Variants in MFSD11 observed in about 807,000 individuals in gnomAD.
The protein encoded by MFSD11 is major facilitator superfamily domain containing 11, also known as UNC93-like protein MFSD11.
A neutral mutation model predicts 53.5 loss-of-function variants in MFSD11; 36 were observed. The ratio of observed to expected loss-of-function variants is 0.67; its 90% confidence interval spans 0.52 to 0.89. The LOEUF (loss-of-function observed/expected upper bound fraction) is 0.89, where lower values mean the gene tolerates loss of function less well. Among genes scored for constraint, MFSD11 ranks in the 40% least tolerant of loss-of-function variants. The pLI, the probability that MFSD11 is intolerant of heterozygous loss-of-function variation, is 0.00. For missense variants in MFSD11, 530 were observed against 543.9 expected, an observed-to-expected ratio of 0.97 and a Z score of 0.25; for synonymous variants, 186 against 184.9, an observed-to-expected ratio of 1.01 and a Z score of -0.05.
chr17:76,778,206 G>A lies in MFSD11; in HGVS notation c.1204G>A (p.Ala402Thr). The A allele has an allele frequency of 3.7e-6, 6 of 1,614,166 alleles. No individual in the cohort carries two copies. Among genetic ancestry groups the A allele is most frequent in the Non-Finnish European group, 5.1e-6 (6 of 1,180,032 alleles). Residue 402 changes from alanine to threonine, a missense_variant, in exon 13 of 13, where the codon GCA (alanine) becomes ACA (threonine). Coordinates refer to ENST00000685175, the MANE Select transcript of MFSD11 (RefSeq NM_001242532.5). Reference protein sequence around the residue: ...KFVQSICAAVAFFYSNYLLLH... With the variant: ...KFVQSICAAVTFFYSNYLLLH... ...TTCTTAGTCTATTTGCGCAGCCGTG[G>A]CATTTTTCTACAGCAACTACCTTCT...
intron 8 of MFSD11, among the ~76,000 whole-genome samples, chr17:76,756,429 A>T (rs557237265): frequency 6.6e-6 from 1 of 152,146 alleles, no homozygotes; most frequent in African/African-American, 2.4e-5. Flanking sequence ...TGGCTCGGGA[A>T]TGCATTTATA....
chr17:76,746,271 A>G (rs141336172), intron 7 of MFSD11, among the ~76,000 whole-genome samples: 38 of 152,342 alleles, frequency 2.5e-4, no homozygotes, highest in Non-Finnish European at 4.6e-4. Flanking sequence ...GACGTGAGGA[A>G]TCTTTAGAAG....
chr17:76,790,214 G>A, the MFSD11 span, among the ~76,000 whole-genome samples: 4 of 143,780 alleles, frequency 2.8e-5, no homozygotes, highest in Non-Finnish European at 6.1e-5. Flanking sequence ...CTTGACGCAT[G>A]AGCCACCACG....
intron 3 of MFSD11, 72 bp from the exon 4 acceptor site, chr17:76,741,897 T>TGG: frequency 6.2e-7 from 1 of 1,609,044 alleles, no homozygotes; most frequent in Middle Eastern, 1.7e-4. Context: ...CAGAACTGAT[T>TGG]CCTAGAAGGC....
the MFSD11 span, chr17:76,799,150 C>CT: frequency 5.9e-5 from 9 of 152,044 alleles, no homozygotes; most frequent in African/African-American, 2.2e-4. Context: ...AAATCTCACT[C>CT]TGTCACCCAG....
chr17:76,759,756 C>CTTTTTTTTTTTTT lies in MFSD11; in HGVS notation c.682+5687_682+5699dup, dbSNP rs1159131964. 8.1e-4 allele frequency among the ~76,000 whole-genome samples: 22 copies of CTTTTTTTTTTTTT among 27,016 alleles called. 3 individuals are homozygous for CTTTTTTTTTTTTT. Among genetic ancestry groups the CTTTTTTTTTTTTT allele is most frequent in the Non-Finnish European group, 1.2e-3 (19 of 15,422 alleles). 17.7% of individuals were successfully genotyped at this position (27,016 alleles called of 152,430 possible). On this transcript the variant is annotated intron_variant, in intron 8 of 12. Transcript: ENST00000685175. ...ACAGGTGTGAGCCACCGTGACCGGC[C>CTTTTTTTTTTTTT]TTTTTTTTTTTTTTTTTTTTTTTTT... is the stretch of plus-strand genomic sequence containing the variant.
At chr17:76,780,528 T>C (rs1041030291), downstream of MFSD11, among the ~76,000 whole-genome samples, 1 of 151,494 alleles carries the variant, frequency 6.6e-6, no homozygotes, top group Non-Finnish European at 1.5e-5. Context: ...TTTTTTTTTT[T>C]TTTTCAAGAC....
intron 8 of MFSD11, among the ~76,000 whole-genome samples, chr17:76,762,294 C>A (rs1416233903): frequency 2.6e-5 from 4 of 152,148 alleles, no homozygotes; most frequent in Non-Finnish European, 5.9e-5. Context: ...AAATTTGAGT[C>A]ATTCCTATAT....
chr17:76,749,226 A>C (rs761154432), intron 7 of MFSD11, among the ~76,000 whole-genome samples: 3 of 152,154 alleles, frequency 2.0e-5, no homozygotes, highest in African/African-American at 4.8e-5. Flanking sequence ...GATGAATGTG[A>C]TGGCCCATGC....
At chr17:76,789,890 G>A in the MFSD11 span, among the ~76,000 whole-genome samples, 22 of 150,126 alleles carry the variant, frequency 1.5e-4, 2 homozygotes, top group South Asian at 1.1e-3. Flanking sequence ...GTTTGGTTTT[G>A]TTCATCAACA....
At chr17:76,800,914 C>T in the MFSD11 span, among the ~76,000 whole-genome samples, 1 of 151,262 alleles carries the variant, frequency 6.6e-6, no homozygotes, top group Non-Finnish European at 1.5e-5. Flanking sequence ...CCATTTGTAC[C>T]AAAAATATAA....
intron 8 of MFSD11, among the ~76,000 whole-genome samples, chr17:76,760,314 CTA>C (rs1409732850): frequency 6.7e-6 from 1 of 150,246 alleles, no homozygotes; most frequent in Non-Finnish European, 1.5e-5. Flanking sequence ...GGAAGAGAAA[CTA>C]TATTTACTGT....
Position 76,742,208 on chromosome 17 carries a change from A to C in MFSD11, c.372A>C (p.Thr124=), listed in dbSNP as rs376341091. 1.9e-6 allele frequency: 3 copies of C among 1,614,098 alleles called. No individual in the cohort carries two copies. The highest frequency in any genetic ancestry group is 2.7e-5 in the African/African-American group (2 of 74,944). Residue 124 remains threonine (T), a synonymous_variant, in exon 5 of 13, where the codon ACA becomes ACC. Transcript: ENST00000685175. ...GGACAGCACAAGGAAACTGCCTGAC[A>C]ATCAATTCGGATGAGCACAGCATTG... The part of the protein sequence containing the change: ...VLWTAQGNCL[T]INSDEHSIGR...
At chr17:76,739,345 T>C (rs2077824166) in intron 2 of MFSD11, among the ~76,000 whole-genome samples, 1 of 152,260 alleles carries the variant, frequency 6.6e-6, no homozygotes, top group Admixed American at 6.5e-5. Context: ...TTCCCAGTCC[T>C]ATAGAAGATG....
In MFSD11 at chr17:76,738,968, G is replaced by T; in HGVS notation, c.127G>T (p.Asp43Tyr). 2 of 1,614,040 alleles carry T rather than the reference G, an allele frequency of 1.2e-6. No individual in the cohort carries two copies. The highest frequency in any genetic ancestry group is 4.5e-5 in the East Asian group (2 of 44,884). Residue 43 changes from aspartate (D) to tyrosine (Y), a missense_variant, in exon 2 of 13, where the codon GAT (aspartate) becomes TAT (tyrosine). Transcript: ENST00000685175. ...TGTCATCAGGAGCTTAAATAGGACA[G>T]ATTTTCACGGCAGTGGATATACCAG... The part of the protein sequence containing the change: ...QTVIRSLNRT[D>Y]FHGSGYTSMA...
the MFSD11 span, chr17:76,799,492 C>G: frequency 7.9e-5 from 12 of 152,152 alleles, no homozygotes; most frequent in Admixed American, 7.2e-4. Context: ...CCTCTGCCCC[C>G]CTGGATTCAA....
rs961597271 is a variant in MFSD11 at position 76,738,347 on chromosome 17, G to A, written c.-6G>A. The A allele has an allele frequency of 1.3e-5, 21 of 1,612,976 alleles. No homozygotes were observed. The highest frequency in any genetic ancestry group is 1.7e-5 in the Non-Finnish European group (20 of 1,179,090). ...GGGCTGCTGCCTCCGGCAGAGCTGA[G>A]CCAAAATGTCCCCGGAATCTAAAAA... On this transcript the variant is annotated 5_prime_UTR_variant, in exon 1 of 13. Transcript: ENST00000685175.
intron 8 of MFSD11, among the ~76,000 whole-genome samples, chr17:76,763,856 A>T (rs2080531745): frequency 6.6e-6 from 1 of 150,720 alleles, no homozygotes; most frequent in South Asian, 2.1e-4. Flanking sequence ...GAGGTACAAC[A>T]TGTTTTTGTT....
At chr17:76,799,954 CCT>C in the MFSD11 span, among the ~76,000 whole-genome samples, 18 of 87,256 alleles carry the variant, frequency 2.1e-4, 3 homozygotes, top group Non-Finnish European at 2.1e-4. Context: ...TTTTCTTTTT[CCT>C]TTTTTTTTTT....
Sources: allele counts gnomAD v4.1 joint callset (sites outside exome capture counted in the v4.1 genomes callset), GRCh38; gene constraint gnomAD v4.1.1; transcripts MANE v1.5; gene names NCBI Gene and HGNC (gene_info 2026-07-23, HGNC 2026-07-21).